TVP23C: variants seen among roughly 807,000 people sequenced by gnomAD.
TVP23C encodes the protein trans-golgi network vesicle protein 23 homolog C.
TVP23C carries 19 observed loss-of-function variants against 28.7 expected under a neutral mutation model. The observed-to-expected ratio is 0.66, with a 90% CI of 0.46 to 0.97. The LOEUF (loss-of-function observed/expected upper bound fraction) is 0.97, where lower values mean the gene tolerates loss of function less well. Among genes scored for constraint, TVP23C ranks in the 50% least tolerant of loss-of-function variants. TVP23C has a pLI of 0.00. For missense variants in TVP23C, 186 were observed against 241.3 expected, an observed-to-expected ratio of 0.77 and a Z score of 1.52; for synonymous variants, 68 against 81.7, an observed-to-expected ratio of 0.83 and a Z score of 0.90.
exon 6 of TVP23C, chr17:15,503,134 G>A: frequency 1.2e-6 from 2 of 1,608,530 alleles, no homozygotes; most frequent in South Asian, 2.2e-5. Flanking sequence ...CCGGGCAGCG[G>A]CTCACGCCTG....
chr17:15,505,903 C>T (rs950844599), intron 5 of TVP23C, among the ~76,000 whole-genome samples: 1 of 152,246 alleles, frequency 6.6e-6, no homozygotes. Context: ...CGATTTCTCA[C>T]CGAGCCTTAG....
intron 5 of TVP23C, chr17:15,506,922 C>A: frequency 1.8e-6 from 2 of 1,093,626 alleles, no homozygotes; most frequent in Non-Finnish European, 2.7e-6. Flanking sequence ...CCTTGGGCCG[C>A]ATCTCCTTTG....
chr17:15,509,024 G>T (rs1981891470), intron 5 of TVP23C, among the ~76,000 whole-genome samples: 1 of 152,238 alleles, frequency 6.6e-6, no homozygotes, highest in Non-Finnish European at 1.5e-5. Context: ...TGAAGGCACA[G>T]TAATAGCTGT....
Position 15,541,975 on chromosome 17 carries a change from G to C in TVP23C, c.463-1414C>G, listed in dbSNP as rs1200439779. Among the ~76,000 whole-genome samples the C allele has an allele frequency of 1.3e-5, 2 of 152,174 alleles. 1 individual carries two copies. The highest frequency in any genetic ancestry group is 2.9e-5 in the Non-Finnish European group (2 of 68,036). On this transcript the variant is annotated intron_variant, in intron 5 of 5. Transcript: ENST00000518321. ...TCTGTAAGTTAAACTTCTGGTTTAA[G>C]ATGGTGCAGTGAAGTCAGACATGAA... is the stretch of plus-strand genomic sequence containing the variant.
In TVP23C at chr17:15,555,320, T is replaced by C; in HGVS notation, c.57A>G (p.Glu19=). Residue 19 remains glutamate, a synonymous_variant, in exon 2 of 6, where the codon GAA becomes GAG. Coordinates refer to ENST00000518321, the MANE Select transcript of TVP23C (RefSeq NM_001135036.2). The stretch of plus-strand genomic sequence containing the variant: ...TTCTTGGTCTATTAGTCGTCTCCTC[T>C]TCCGCATCAAACAGTGAAACATCTT... The part of the protein sequence containing the change: ...DTEDVSLFDA[E]EETTNRPRKA... 1 of 1,614,002 alleles carries C rather than the reference T, an allele frequency of 6.2e-7. No individual in the cohort carries two copies. Among genetic ancestry groups the C allele is most frequent in the Non-Finnish European group, 8.5e-7 (1 of 1,179,866 alleles).
intron 1 of TVP23C, among the ~76,000 whole-genome samples, chr17:15,557,382 C>G (rs1362405243): frequency 4.1e-5 from 6 of 145,906 alleles, no homozygotes; most frequent in Non-Finnish European, 9.2e-5. Flanking sequence ...CCTCCACCTC[C>G]TGGGTTCAAG....
intron 5 of TVP23C, among the ~76,000 whole-genome samples, chr17:15,541,552 G>A (rs1270273706): frequency 1.3e-5 from 2 of 151,968 alleles, no homozygotes. Flanking sequence ...TCTGTGACAA[G>A]CAAAGCAGCT....
Position 15,515,086 on chromosome 17 carries a change from G to T in TVP23C, c.463-11854C>A, listed in dbSNP as rs547461018. Among the ~76,000 whole-genome samples the T allele has an allele frequency of 9.2e-5, 14 of 152,248 alleles. No homozygotes were observed. The South Asian group carries it at 2.9e-3, about 32-fold the overall frequency. On this transcript the variant is annotated intron_variant, in intron 5 of 5. Transcript: ENST00000225576. ...AGCTGCCAGAATACACAAGCCGGAG[G>T]TGGCTAGGGTGCCCATACCCACAGT...
chr17:15,549,014 G>A (rs1983771418), intron 3 of TVP23C, among the ~76,000 whole-genome samples: 1 of 152,122 alleles, frequency 6.6e-6, no homozygotes, highest in Non-Finnish European at 1.5e-5. Context: ...GATAATGGGG[G>A]AACTACTACA....
intron 5 of TVP23C, among the ~76,000 whole-genome samples, chr17:15,521,007 C>T (rs1235940909): frequency 4.0e-5 from 6 of 151,234 alleles, no homozygotes; most frequent in Non-Finnish European, 8.8e-5. Flanking sequence ...TAAAGCTAAC[C>T]ACAAATAGAA....
At chr17:15,529,856 T>C (rs1432437284) in intron 5 of TVP23C, among the ~76,000 whole-genome samples, 1 of 152,160 alleles carries the variant, frequency 6.6e-6, no homozygotes, top group Non-Finnish European at 1.5e-5. Flanking sequence ...TGGAGTCCAG[T>C]GGTGTGATCT....
chr17:15,553,522 GAA>G (rs565524290), intron 3 of TVP23C, among the ~76,000 whole-genome samples, 161 bp downstream of exon 3: 55,176 of 118,850 alleles, frequency 0.46, 13,170 homozygotes, highest in Non-Finnish European at 0.61. Context: ...GGGAAAAAAT[GAA>G]AAAAAAAAAA....
At chr17:15,513,258 A>G (rs1168640081) in intron 5 of TVP23C, among the ~76,000 whole-genome samples, 1 of 152,238 alleles carries the variant, frequency 6.6e-6, no homozygotes, top group African/African-American at 2.4e-5. Flanking sequence ...GTTTAAAAAC[A>G]TGCATTTTTA....
At chr17:15,555,016 T>C (rs1235317073) in intron 2 of TVP23C, among the ~76,000 whole-genome samples, 1 of 152,238 alleles carries the variant, frequency 6.6e-6, no homozygotes, top group East Asian at 1.9e-4. Context: ...AAAGAAATGG[T>C]ACATTCTTGG....
At chr17:15,513,596 TTTTC>T (rs1982093920) in intron 5 of TVP23C, among the ~76,000 whole-genome samples, 1 of 152,190 alleles carries the variant, frequency 6.6e-6, no homozygotes, top group East Asian at 1.9e-4. Flanking sequence ...ATGCTTTCTC[TTTTC>T]TTTCTGACAG....
chr17:15,561,939 C>T (rs1312909656), intron 1 of TVP23C, among the ~76,000 whole-genome samples: 9 of 152,180 alleles, frequency 5.9e-5, no homozygotes, highest in Non-Finnish European at 1.2e-4. Context: ...AAGATGGCCA[C>T]GAGAGTGACC....
rs1222830114 is a variant in TVP23C at position 15,555,330 on chromosome 17, A to C, written c.47T>G (p.Phe16Cys). 1 of 1,614,010 alleles carries C rather than the reference A, an allele frequency of 6.2e-7. No homozygotes were observed. Among genetic ancestry groups the C allele is most frequent in the Non-Finnish European group, 8.5e-7 (1 of 1,179,872 alleles). The change falls in exon 2 of 6, where the codon TTT becomes TGT. Residue 16 changes from phenylalanine (F) to cysteine (C), a missense_variant. This residue lies in a region of TVP23C where 92 missense variants were observed against 94.3 expected (regional missense o/e 0.98). Transcript: ENST00000518321. ...SNDDTEDVSL[F>C]DAEEETTNRP... Reference sequence around the variant, plus strand: ...ATTAGTCGTCTCCTCTTCCGCATCAAACAGTGAAACATCTTCAGTGTCATC... The same window carrying C: ...ATTAGTCGTCTCCTCTTCCGCATCACACAGTGAAACATCTTCAGTGTCATC...
Position 15,538,723 on chromosome 17 carries a change from A to G in TVP23C, c.*1689T>C. ...ACCATGTAAGACACTAACCCTATCC[A>G]TGTTATGCCAGGTTTAAGGTTTAAT... On this transcript the variant is annotated 3_prime_UTR_variant, in exon 6 of 6. Coordinates refer to ENST00000518321, the MANE Select transcript of TVP23C (RefSeq NM_001135036.2). The G allele has an allele frequency of 1.0e-6, 1 of 985,446 alleles. No individual in the cohort carries two copies. The highest frequency in any genetic ancestry group is 1.2e-6 in the Non-Finnish European group (1 of 829,940). 61.0% of individuals were successfully genotyped at this position (985,446 alleles called of 1,614,324 possible).
chr17:15,502,896 G>GC lies in TVP23C; in HGVS notation c.798dup (p.Pro267AlafsTer182). 1 of 1,593,576 alleles carries GC rather than the reference G, an allele frequency of 6.3e-7. No individual in the cohort carries two copies. Among genetic ancestry groups the GC allele is most frequent in the Non-Finnish European group, 8.6e-7 (1 of 1,169,166 alleles). ...ATTCCGGATGCCAGATGAAATTTTG[G>GC]CCCGGGCTCACCAGTTCCTCTGCTA... On this transcript the variant is annotated frameshift_variant, in exon 6 of 6. Coordinates refer to the TVP23C transcript ENST00000225576. LOFTEE classifies it high-confidence loss of function.
Sources: gnomAD v4.1 joint callset for allele counts (sites outside exome capture counted in the v4.1 genomes callset) on GRCh38, gnomAD v4.1.1 for gene constraint, gnomAD v4.1.1 regional missense constraint, MANE v1.5 for transcripts, NCBI Gene and HGNC (gene_info 2026-07-23, HGNC 2026-07-21) for gene names.